Variants in B4GALNT2 observed in about 807,000 individuals in gnomAD.
B4GALNT2 encodes beta-1,4-N-acetyl-galactosaminyltransferase 2 (SID blood group).
Under a neutral mutation model 51.1 loss-of-function variants are expected in B4GALNT2, and 42 were observed. The observed-to-expected ratio is 0.82, with a 90% confidence interval of 0.64 to 1.06. The LOEUF (loss-of-function observed/expected upper bound fraction) is 1.06. Among genes scored for constraint, B4GALNT2 ranks in the 50% least tolerant of loss-of-function variants. The pLI is 0.00. For synonymous variants in B4GALNT2, 253 were observed against 251.7 expected (o/e 1.01, Z -0.05); for missense variants, 602 against 633.6 (o/e 0.95, Z 0.54).
At chr17:49,128,493 G>A (rs11079862), upstream of B4GALNT2, among the ~76,000 whole-genome samples, 77,092 of 151,864 alleles carry the variant, frequency 0.51, 19,972 homozygotes, top group Middle Eastern at 0.62. Context: ...TTCAGGGGAA[G>A]GAGAGACCTG....
At chr17:49,133,133 G>C in intron 1 of B4GALNT2, 1 of 1,526,650 alleles carries the variant, frequency 6.6e-7, no homozygotes, top group South Asian at 1.3e-5. Context: ...TCGGGAGTGC[G>C]GGCTTCGGGG....
At chr17:49,134,389 T>C (rs2042571138) in intron 1 of B4GALNT2, among the ~76,000 whole-genome samples, 1 of 152,228 alleles carries the variant, frequency 6.6e-6, no homozygotes, top group African/African-American at 2.4e-5. Flanking sequence ...ATCTTCCTCC[T>C]AGCTATTTGA....
At chr17:49,141,206 A>G (rs1302860324) in intron 1 of B4GALNT2, 41 bp from the exon 2 acceptor site, 4 of 1,575,782 alleles carry the variant, frequency 2.5e-6, no homozygotes, top group Middle Eastern at 1.7e-4. Flanking sequence ...ATAATCAAGA[A>G]AAAAGATTTT....
At chr17:49,124,466 C>T in the B4GALNT2 span, among the ~76,000 whole-genome samples, 1 of 152,196 alleles carries the variant, frequency 6.6e-6, no homozygotes, top group African/African-American at 2.4e-5. Context: ...ATATCTGTTA[C>T]CTTTGTGGCA....
At chr17:49,162,867 CAT>C (rs2042876818) in intron 7 of B4GALNT2, among the ~76,000 whole-genome samples, 1 of 132,488 alleles carries the variant, frequency 7.5e-6, no homozygotes, top group East Asian at 2.5e-4. Context: ...GAGCCGAGAT[CAT>C]GCCATTGCAC....
intron 1 of B4GALNT2, among the ~76,000 whole-genome samples, chr17:49,136,082 CAAAA>C (rs60290551): frequency 2.5e-5 from 3 of 119,518 alleles, no homozygotes; most frequent in Non-Finnish European, 3.6e-5. Context: ...GACTCTGGAT[CAAAA>C]AAAAAAAAAA....
At position 49,175,780 on chromosome 17, in the gene B4GALNT2, C is replaced by T. The variant is rs771426681; in HGVS notation, c.*6052C>T. The T allele has an allele frequency of 6.6e-6, 1 of 152,154 alleles. No individual in the cohort carries two copies. The highest frequency in any genetic ancestry group is 2.4e-5 in the African/African-American group (1 of 41,396). 9.4% of individuals were successfully genotyped at this position (152,154 alleles called of 1,614,324 possible). A position where few individuals can be genotyped will look rare whatever the true frequency, so the allele number is the denominator to read the frequency against. On this transcript the variant is annotated 3_prime_UTR_variant, in exon 11 of 11. Transcript: ENST00000393354. ...TAGAACTGAGAGCAGTCACTCGAGG[C>T]ACTGCTAGAACAGTCACTGGGGCAA...
chr17:49,166,311 G>C, intron 9 of B4GALNT2, 57 bp downstream of exon 9: 1 of 1,227,512 alleles, frequency 8.1e-7, no homozygotes, highest in Non-Finnish European at 1.1e-6. Context: ...GAGAAGAGGG[G>C]AGAAGAGAGC....
chr17:49,126,456 G>A, the B4GALNT2 span, among the ~76,000 whole-genome samples: 1 of 141,680 alleles, frequency 7.1e-6, no homozygotes, highest in African/African-American at 2.6e-5. Flanking sequence ...CTATGACCCT[G>A]CCAAATCCCC....
At chr17:49,151,943 T>C (rs1171185895) in intron 3 of B4GALNT2, among the ~76,000 whole-genome samples, 1 of 152,230 alleles carries the variant, frequency 6.6e-6, no homozygotes, top group Non-Finnish European at 1.5e-5. Flanking sequence ...TTAAGGACCA[T>C]GTGATGATTG....
rs2042958199 is a variant in B4GALNT2, at chr17:49,171,621, G to A, written c.*1893G>A. 2 of 397,268 alleles carry A rather than the reference G, an allele frequency of 5.0e-6. No homozygotes were observed. Among genetic ancestry groups the A allele is most frequent in the Non-Finnish European group, 9.7e-6 (2 of 206,914 alleles). 24.6% of individuals were successfully genotyped at this position (397,268 alleles called of 1,614,324 possible). ...ACGTTTCCAGATAATGGGAACTCTT[G>A]CTGTATTTCTTACCATTTCTACCAT... On this transcript the variant is annotated 3_prime_UTR_variant, in exon 11 of 11. Coordinates refer to ENST00000393354, the MANE Select transcript of B4GALNT2 (RefSeq NM_001159387.2).
At position 49,166,110 on chromosome 17, in the gene B4GALNT2, A is replaced by G. The variant is rs770816617; in HGVS notation, c.955-4A>G. The G allele has an allele frequency of 6.2e-7, 1 of 1,613,580 alleles. No individual in the cohort carries two copies. Among genetic ancestry groups the G allele is most frequent in the East Asian group, 2.2e-5 (1 of 44,866 alleles). On this transcript the variant is annotated splice_polypyrimidine_tract_variant and splice_region_variant and intron_variant, in intron 8 of 10. Coordinates refer to ENST00000393354, the MANE Select transcript of B4GALNT2 (RefSeq NM_001159387.2). ...CCACTCCTTTAACCTCATTTCATCT[A>G]CAGGGTTGGTTTGCTGGTAGGAACC...
the B4GALNT2 span, among the ~76,000 whole-genome samples, chr17:49,126,499 A>T: frequency 2.0e-5 from 3 of 150,246 alleles, no homozygotes; most frequent in Admixed American, 6.6e-5. Context: ...TGATCAATAA[A>T]AAAAAAAAAA....
Position 49,159,334 on chromosome 17 carries a change from G to GTTTGTTTTGT in B4GALNT2, c.679+131_679+140dup, listed in dbSNP as rs139717167. 520 of 979,338 alleles carry GTTTGTTTTGT rather than the reference G, an allele frequency of 5.3e-4. 2 individuals are homozygous for GTTTGTTTTGT. Among genetic ancestry groups the GTTTGTTTTGT allele is most frequent in the East Asian group, 4.3e-3 (160 of 36,786 alleles). The allele number at this position is 979,338 out of a possible 1,614,324, so 60.7% of individuals were successfully genotyped here. On this transcript the variant is annotated intron_variant, in intron 6 of 10. Coordinates refer to ENST00000393354, the MANE Select transcript of B4GALNT2 (RefSeq NM_001159387.2). The stretch of plus-strand genomic sequence containing the variant: ...TGTTTTTTGTGTTTTGTGTGTGTTT[G>GTTTGTTTTGT]TTTGTTTTGTTTTGTTTTGTTTTTT...
chr17:49,169,006 C>G, intron 10 of B4GALNT2, 106 bp downstream of exon 10: 1 of 1,147,858 alleles, frequency 8.7e-7, no homozygotes, highest in Non-Finnish European at 1.2e-6. Flanking sequence ...GTCGCTTGCC[C>G]AGTAGCAGTA....
chr17:49,149,914 A>G (rs537436766), intron 3 of B4GALNT2, among the ~76,000 whole-genome samples: 2 of 152,210 alleles, frequency 1.3e-5, no homozygotes, highest in South Asian at 4.1e-4. Context: ...CTATCATCAC[A>G]TTTTCAAACT....
chr17:49,159,299 G>T, intron 6 of B4GALNT2, 82 bp downstream of exon 6: 1 of 1,413,516 alleles, frequency 7.1e-7, no homozygotes, highest in African/African-American at 1.4e-5. Context: ...CCTCCTTCAG[G>T]AAGCCTTCCT....
chr17:49,128,077 G>T (rs1424048453), upstream of B4GALNT2, among the ~76,000 whole-genome samples: 2 of 152,134 alleles, frequency 1.3e-5, no homozygotes, highest in Non-Finnish European at 2.9e-5. Context: ...GAGGGTGAAG[G>T]TTAGAATTAT....
chr17:49,122,927 T>C, the B4GALNT2 span, among the ~76,000 whole-genome samples: 1 of 152,030 alleles, frequency 6.6e-6, no homozygotes, highest in African/African-American at 2.4e-5. Context: ...CATTAAAAGG[T>C]TTTAATATTT....
Sources: allele counts gnomAD v4.1 joint callset (sites outside exome capture counted in the v4.1 genomes callset), GRCh38; gene constraint gnomAD v4.1.1; transcripts MANE v1.5; gene names NCBI Gene and HGNC (gene_info 2026-07-23, HGNC 2026-07-21).